The following CDH4 variants were observed in gnomAD, a reference collection of about 807,000 sequenced individuals.
The protein encoded by CDH4 is cadherin 4.
In CDH4, 33 loss-of-function variants were observed where a neutral mutation model predicts 86.0. The observed-to-expected ratio is 0.38, with a 90% CI of 0.29 to 0.51. The LOEUF is 0.51. Ranked by LOEUF, CDH4 falls within the 20% of genes least tolerant of loss-of-function variation. The pLI, the probability that CDH4 is intolerant of heterozygous loss-of-function variation, is 0.86. For synonymous variants in CDH4, 555 were observed against 549.4 expected (o/e 1.01, Z -0.14); for missense variants, 1,114 against 1,307.4 (o/e 0.85, Z 2.28).
intron 2 of CDH4, chr20:61,570,703 G>T: frequency 1.4e-6 from 1 of 702,400 alleles, no homozygotes; most frequent in Non-Finnish European, 2.6e-6. Flanking sequence ...CGATGCCAAA[G>T]TCAACAGGGA....
chr20:61,772,346 G>A (rs916284522), intron 3 of CDH4, among the ~76,000 whole-genome samples: 4 of 152,136 alleles, frequency 2.6e-5, no homozygotes, highest in Non-Finnish European at 5.9e-5. Flanking sequence ...GATTTATTTC[G>A]CTCAGCCTTG....
intron 2 of CDH4, among the ~76,000 whole-genome samples, chr20:61,603,513 G>A (rs145434173): frequency 5.3e-5 from 8 of 152,324 alleles, no homozygotes; most frequent in Non-Finnish European, 1.2e-4. Flanking sequence ...GGGCCAGGCT[G>A]TGGAGGCCAG....
chr20:61,696,635 T>C, intron 2 of CDH4, among the ~76,000 whole-genome samples: 1 of 152,130 alleles, frequency 6.6e-6, no homozygotes, highest in East Asian at 1.9e-4. Context: ...CTGGCCCAAG[T>C]CCACCCTCTG....
chr20:61,398,100 G>A (rs1428433818), intron 2 of CDH4, among the ~76,000 whole-genome samples: 1 of 152,178 alleles, frequency 6.6e-6, no homozygotes, highest in South Asian at 2.1e-4. Context: ...TTCATTTGCA[G>A]ACAGAGACTT....
intron 2 of CDH4, among the ~76,000 whole-genome samples, chr20:61,592,919 G>A (rs1034281478): frequency 3.3e-5 from 5 of 152,292 alleles, no homozygotes; most frequent in African/African-American, 4.8e-5. Context: ...AAGGGACTTC[G>A]TGGGGGTGAC....
At chr20:61,698,400 A>G (rs1172136271) in intron 2 of CDH4, among the ~76,000 whole-genome samples, 1 of 152,220 alleles carries the variant, frequency 6.6e-6, no homozygotes, top group Non-Finnish European at 1.5e-5. Context: ...GGCACTTGGA[A>G]AGTGGGAGCC....
At chr20:61,752,325 C>G (rs1189816865) in intron 3 of CDH4, among the ~76,000 whole-genome samples, 1 of 114,650 alleles carries the variant, frequency 8.7e-6, no homozygotes, top group African/African-American at 3.6e-5. Flanking sequence ...GAGCAAAAGC[C>G]TGTCAAAAAA....
At chr20:61,727,091 T>C (rs1254168543) in intron 2 of CDH4, among the ~76,000 whole-genome samples, 1 of 151,756 alleles carries the variant, frequency 6.6e-6, no homozygotes, top group Admixed American at 6.6e-5. Context: ...GCCATCATCA[T>C]CACCATTGGA....
chr20:61,715,821 G>T (rs1427856096), intron 2 of CDH4, among the ~76,000 whole-genome samples: 7 of 152,148 alleles, frequency 4.6e-5, no homozygotes, highest in Non-Finnish European at 8.8e-5. Context: ...GCCGGCCCAG[G>T]TCCCATGCAC....
At chr20:61,702,215 C>T (rs547082098) in intron 2 of CDH4, among the ~76,000 whole-genome samples, 157 of 152,306 alleles carry the variant, frequency 1.0e-3, no homozygotes, top group Non-Finnish European at 1.8e-3. Context: ...CCCAGCTGGC[C>T]GCCTCATAGG....
At chr20:61,556,942 G>A (rs1260745413) in intron 2 of CDH4, among the ~76,000 whole-genome samples, 1 of 152,014 alleles carries the variant, frequency 6.6e-6, no homozygotes, top group Non-Finnish European at 1.5e-5. Context: ...GGGGCCTGAT[G>A]AATAGAAATG....
intron 2 of CDH4, among the ~76,000 whole-genome samples, chr20:61,423,551 C>T (rs1037444388): frequency 6.6e-5 from 10 of 152,242 alleles, no homozygotes; most frequent in Middle Eastern, 6.8e-3. Flanking sequence ...CAAACGCACT[C>T]GGATGAACTT....
chr20:61,602,811 C>T (rs539322597), intron 2 of CDH4, among the ~76,000 whole-genome samples: 211 of 151,842 alleles, frequency 1.4e-3, no homozygotes, highest in Non-Finnish European at 2.7e-3. Flanking sequence ...GCCTGGTGAG[C>T]GCACACAGAG....
At chr20:61,551,018 T>A (rs1365617042) in intron 2 of CDH4, among the ~76,000 whole-genome samples, 1 of 152,238 alleles carries the variant, frequency 6.6e-6, no homozygotes, top group Non-Finnish European at 1.5e-5. Context: ...CCCACTAGTC[T>A]TGTGATTTAG....
intron 2 of CDH4, among the ~76,000 whole-genome samples, chr20:61,599,558 G>C (rs1360768716): frequency 6.6e-6 from 1 of 152,194 alleles, no homozygotes; most frequent in Non-Finnish European, 1.5e-5. Context: ...GACCTAAGCC[G>C]GCCAGCCTCC....
chr20:61,569,934 C>G (rs1188723080), intron 2 of CDH4, among the ~76,000 whole-genome samples: 2 of 152,124 alleles, frequency 1.3e-5, no homozygotes, highest in Non-Finnish European at 2.9e-5. Context: ...AATTGAGGGC[C>G]TCATTCGAAA....
intron 2 of CDH4, among the ~76,000 whole-genome samples, chr20:61,492,289 TTGA>T (rs1766051296): frequency 6.6e-6 from 1 of 150,564 alleles, no homozygotes; most frequent in Non-Finnish European, 1.5e-5. Flanking sequence ...GTTGGTGGTG[TTGA>T]TGTTGGTGTT....
intron 2 of CDH4, among the ~76,000 whole-genome samples, chr20:61,528,462 A>AGGAGGGGAAGGGAG (rs2085928208): frequency 6.2e-5 from 1 of 16,228 alleles, no homozygotes; most frequent in Non-Finnish European, 1.3e-4. Context: ...GGAGGGGGAG[A>AGGAGGGGAAGGGAG]GGGAGGGGGA....
intron 2 of CDH4, among the ~76,000 whole-genome samples, chr20:61,707,419 G>A (rs1398657053): frequency 6.6e-6 from 1 of 152,222 alleles, no homozygotes; most frequent in African/African-American, 2.4e-5. Flanking sequence ...AAGGCCTTCA[G>A]CCCACCAGGC....
Sources: allele counts gnomAD v4.1 joint callset (sites outside exome capture counted in the v4.1 genomes callset), GRCh38; gene constraint gnomAD v4.1.1; transcripts MANE v1.5; gene names NCBI Gene and HGNC (gene_info 2026-07-23, HGNC 2026-07-21).